The following BCL2L14 variants were observed in gnomAD, a reference collection of about 807,000 sequenced individuals.
BCL2L14 encodes BCL2 like 14.
Under a neutral mutation model 35.3 loss-of-function variants are expected in BCL2L14, and 27 were observed. The observed-to-expected ratio is 0.76, with a 90% confidence interval of 0.56 to 1.05. The LOEUF is 1.05. BCL2L14 is among the 50% of genes least tolerant of loss of function. The pLI is 0.00. For missense variants in BCL2L14, 377 were observed against 382.6 expected, an observed-to-expected ratio of 0.99 and a Z score of 0.12; for synonymous variants, 139 against 145.9, an observed-to-expected ratio of 0.95 and a Z score of 0.34.
In BCL2L14 at chr12:12,051,795, G is replaced by A. The variant is rs543460049; in HGVS notation, c.-323-1G>A. 9.1e-4 allele frequency: 139 copies of A among 152,300 alleles called. No homozygotes were observed. Among genetic ancestry groups the A allele is most frequent in the African/African-American group, 3.2e-3 (134 of 41,554 alleles). The allele number at this position is 152,300 out of a possible 1,614,324, so 9.4% of individuals were successfully genotyped here. A position where few individuals can be genotyped will look rare whatever the true frequency, so the allele number is the denominator to read the frequency against. On this transcript the variant is annotated splice_acceptor_variant, in intron 1 of 3. Coordinates refer to the BCL2L14 transcript ENST00000461264. LOFTEE classifies it low-confidence loss of function (5UTR_SPLICE). ...GCGAATATTATCTCCTTGCTCTTTA[G>A]GCAAACAGGGTGAAGACAAGAGGCA...
intron 1 of BCL2L14, among the ~76,000 whole-genome samples, chr12:12,074,729 G>A (rs765916516): frequency 9.2e-5 from 14 of 152,158 alleles, no homozygotes; most frequent in Non-Finnish European, 1.3e-4. Context: ...GTGAGCCACC[G>A]CGCCCAGCCC....
At chr12:12,091,272 G>A (rs544505395) in intron 4 of BCL2L14, among the ~76,000 whole-genome samples, 53 of 152,326 alleles carry the variant, frequency 3.5e-4, no homozygotes, top group African/African-American at 1.2e-3. Context: ...TTTTTCCCCT[G>A]TAGTTGCTGG....
intron 2 of BCL2L14, among the ~76,000 whole-genome samples, chr12:12,083,202 G>A (rs1194691697): frequency 6.6e-6 from 1 of 152,144 alleles, no homozygotes; most frequent in Non-Finnish European, 1.5e-5. Flanking sequence ...CTGGCCTCGT[G>A]ATCTGTCCGC....
chr12:12,069,624 C>T (rs1312583782), upstream of BCL2L14, among the ~76,000 whole-genome samples: 3 of 149,556 alleles, frequency 2.0e-5, no homozygotes, highest in Admixed American at 6.7e-5. Context: ...AGGAGAATGG[C>T]GTGAACCCAG....
chr12:12,084,965 C>A (rs977948807), intron 2 of BCL2L14, among the ~76,000 whole-genome samples: 2 of 151,502 alleles, frequency 1.3e-5, no homozygotes, highest in African/African-American at 4.9e-5. Flanking sequence ...GTCCTGTAAT[C>A]CCAGCTACAC....
At chr12:12,066,721 T>TA (rs1948598848), upstream of BCL2L14, among the ~76,000 whole-genome samples, 1 of 150,242 alleles carries the variant, frequency 6.7e-6, no homozygotes, top group South Asian at 2.1e-4. Context: ...TATTATTTTT[T>TA]TTTTTTTTTT....
intron 3 of BCL2L14, among the ~76,000 whole-genome samples, chr12:12,087,705 T>A (rs1218080857): frequency 6.6e-6 from 1 of 152,232 alleles, no homozygotes; most frequent in African/African-American, 2.4e-5. Context: ...CTGATCATGT[T>A]ACCAGTGACC....
intron 5 of BCL2L14, among the ~76,000 whole-genome samples, chr12:12,096,420 C>T (rs943713339): frequency 1.4e-5 from 2 of 139,764 alleles, no homozygotes; most frequent in Non-Finnish European, 3.1e-5. Flanking sequence ...AAGAACACCA[C>T]CACCAAGAAT....
intron 1 of BCL2L14, 134 bp from the exon 2 acceptor site, chr12:12,079,165 C>G (rs1283901740): frequency 4.1e-6 from 3 of 735,942 alleles, no homozygotes; most frequent in Non-Finnish European, 6.7e-6. Flanking sequence ...TGTGGCTTTT[C>G]CCTCTCTACC....
At chr12:12,080,179 T>G (rs1322799062) in intron 2 of BCL2L14, among the ~76,000 whole-genome samples, 1 of 150,688 alleles carries the variant, frequency 6.6e-6, no homozygotes, top group Non-Finnish European at 1.5e-5. Context: ...CACTCCAGCT[T>G]GGGTGACAGA....
intron 1 of BCL2L14, chr12:12,078,045 AAAG>A (rs1663899059): frequency 2.5e-6 from 1 of 395,204 alleles, no homozygotes; most frequent in African/African-American, 2.1e-5. Context: ...GTATGGAAAT[AAAG>A]AAGAAATGCT....
intron 1 of BCL2L14, among the ~76,000 whole-genome samples, chr12:12,051,515 C>T (rs1948357410): frequency 6.6e-6 from 1 of 152,094 alleles, no homozygotes; most frequent in African/African-American, 2.4e-5. Context: ...ATGATTGTCA[C>T]TGGGAAGAAT....
intron 1 of BCL2L14, among the ~76,000 whole-genome samples, chr12:12,075,905 A>C (rs757652372): frequency 2.0e-5 from 3 of 151,474 alleles, no homozygotes; most frequent in Non-Finnish European, 4.4e-5. Context: ...TTTCCTGTAA[A>C]CTGATCATTA....
chr12:12,052,004 T>C (rs924593599), intron 2 of BCL2L14, among the ~76,000 whole-genome samples: 2 of 152,110 alleles, frequency 1.3e-5, no homozygotes, highest in African/African-American at 4.8e-5. Flanking sequence ...AGGACGTGGG[T>C]GGTGAGTGCA....
chr12:12,063,195 C>T (rs1403784371), intron 2 of BCL2L14, among the ~76,000 whole-genome samples: 1 of 149,706 alleles, frequency 6.7e-6, no homozygotes, highest in African/African-American at 2.5e-5. Context: ...CTTGTTTACA[C>T]TGCCAGTTTA....
chr12:12,076,029 T>A (rs1490289930), intron 1 of BCL2L14, among the ~76,000 whole-genome samples: 1 of 150,262 alleles, frequency 6.7e-6, no homozygotes, highest in Non-Finnish European at 1.5e-5. Flanking sequence ...GAAGTGGAGC[T>A]GGGGTGAGTA....
chr12:12,083,199 C>T (rs932177345), intron 2 of BCL2L14, among the ~76,000 whole-genome samples: 3 of 152,186 alleles, frequency 2.0e-5, no homozygotes, highest in African/African-American at 7.2e-5. Flanking sequence ...CTCCTGGCCT[C>T]GTGATCTGTC....
intron 1 of BCL2L14, among the ~76,000 whole-genome samples, chr12:12,073,043 C>A (rs776936580): frequency 6.6e-6 from 1 of 152,048 alleles, no homozygotes; most frequent in African/African-American, 2.4e-5. Context: ...CACACCACCA[C>A]GCCCAGCTAA....
At position 12,098,943 on chromosome 12, in the gene BCL2L14, C is replaced by A; in HGVS notation, c.946-7C>A. On this transcript the variant is annotated splice_region_variant and splice_polypyrimidine_tract_variant and intron_variant, in intron 5 of 5. Transcript: ENST00000308721. ...TGGAATTTTAAGAACCTATTTTTCC[C>A]CTCTAGGAAAAAATACTTGGGATAT... The A allele has an allele frequency of 6.3e-7, 1 of 1,579,384 alleles. No individual in the cohort carries two copies.
Sources: gnomAD v4.1 joint callset for allele counts (sites outside exome capture counted in the v4.1 genomes callset) on GRCh38, gnomAD v4.1.1 for gene constraint, MANE v1.5 for transcripts, NCBI Gene and HGNC (gene_info 2026-07-23, HGNC 2026-07-21) for gene names.